Variants in KCNH8 observed in about 807,000 individuals in gnomAD.
KCNH8 encodes the protein voltage-gated delayed rectifier potassium channel KCNH8.
A neutral mutation model predicts 103.6 loss-of-function variants in KCNH8; 70 were observed. That is an observed-to-expected ratio of 0.68 (90% CI 0.56 to 0.82). The LOEUF is 0.82. Among genes scored for constraint, KCNH8 ranks in the 40% least tolerant of loss-of-function variants. The probability of loss-of-function intolerance (pLI) is 0.00; values close to 1 mark genes in which losing one functional copy is unlikely to be tolerated. For synonymous variants in KCNH8, 498 were observed against 489.4 expected, an observed-to-expected ratio of 1.02 and a Z score of -0.23; for missense variants, 1,217 against 1,329.9, an observed-to-expected ratio of 0.92 and a Z score of 1.32.
chr3:19,216,377 T>C (rs1051873387), intron 1 of KCNH8, among the ~76,000 whole-genome samples: 4 of 152,244 alleles, frequency 2.6e-5, no homozygotes, highest in Non-Finnish European at 5.9e-5. Context: ...CAGGTAACTT[T>C]GGACGAAATT....
chr3:19,152,770 T>C (rs972678942), intron 1 of KCNH8, among the ~76,000 whole-genome samples: 5 of 151,902 alleles, frequency 3.3e-5, no homozygotes, highest in Non-Finnish European at 7.4e-5. Context: ...ACCCCATTTC[T>C]ACTAAAAATA....
chr3:19,493,932 T>C (rs568072022), intron 11 of KCNH8, among the ~76,000 whole-genome samples: 2 of 152,298 alleles, frequency 1.3e-5, no homozygotes, highest in South Asian at 2.1e-4. Flanking sequence ...AGTTTTGGTA[T>C]GTAGATTATT....
chr3:19,390,395 T>G, intron 5 of KCNH8, 86 bp from the exon 6 acceptor site: 3 of 1,017,442 alleles, frequency 2.9e-6, no homozygotes, highest in East Asian at 2.5e-5. Flanking sequence ...CTCCCTTCCT[T>G]TCTTCTTTCT....
At chr3:19,277,565 A>G (rs992669518) in intron 2 of KCNH8, among the ~76,000 whole-genome samples, 1 of 152,118 alleles carries the variant, frequency 6.6e-6, no homozygotes, top group African/African-American at 2.4e-5. Flanking sequence ...ACAAAAAGGC[A>G]CAGGTGGTAA....
intron 3 of KCNH8, among the ~76,000 whole-genome samples, chr3:19,334,588 A>G (rs552282409): frequency 2.0e-5 from 3 of 152,120 alleles, no homozygotes; most frequent in African/African-American, 4.8e-5. Context: ...GAGCAAAACT[A>G]AAAGTCCAGT....
intron 1 of KCNH8, among the ~76,000 whole-genome samples, chr3:19,225,128 A>C (rs1350512283): frequency 6.6e-6 from 1 of 152,108 alleles, no homozygotes; most frequent in African/African-American, 2.4e-5. Flanking sequence ...TGAGGGATTT[A>C]GACTTTACTC....
chr3:19,399,677 A>G (rs1049761630), intron 7 of KCNH8, among the ~76,000 whole-genome samples: 5 of 151,950 alleles, frequency 3.3e-5, no homozygotes, highest in African/African-American at 1.2e-4. Flanking sequence ...AACTGCCAGC[A>G]TTATCACCAC....
chr3:19,354,340 A>G (rs1165384346), intron 5 of KCNH8, among the ~76,000 whole-genome samples: 1 of 152,194 alleles, frequency 6.6e-6, no homozygotes, highest in East Asian at 1.9e-4. Context: ...TATCCCCATC[A>G]AGCTACCAGT....
At position 19,533,995 on chromosome 3, in the gene KCNH8, C is replaced by T; in HGVS notation, c.3220C>T (p.Gln1074Ter). 6.2e-7 allele frequency: 1 copy of T among 1,614,130 alleles called. No individual in the cohort carries two copies. The highest frequency in any genetic ancestry group is 8.5e-7 in the Non-Finnish European group (1 of 1,180,014). Reference sequence around the variant, plus strand: ...GGAAAACTTACCAGGATCTTGGAACCAGGAAGGAATGGCATCAGCTTCTAC... The same window carrying T: ...GGAAAACTTACCAGGATCTTGGAACTAGGAAGGAATGGCATCAGCTTCTAC... The part of the protein sequence containing the change: ...SLENLPGSWN[Q>*]EGMASASTKP... The change falls in exon 16 of 16, where the codon CAG becomes TAG. Residue 1074 changes from glutamine to a stop codon, truncating the protein, a stop_gained. Transcript: ENST00000328405. LOFTEE classifies it high-confidence loss of function.
At chr3:19,264,770 G>T (rs937056005) in intron 2 of KCNH8, among the ~76,000 whole-genome samples, 13 of 152,224 alleles carry the variant, frequency 8.5e-5, no homozygotes, top group African/African-American at 3.1e-4. Flanking sequence ...CTCTTTGCCT[G>T]TGTTGTTGCT....
chr3:19,505,617 G>A (rs778576649), intron 11 of KCNH8, among the ~76,000 whole-genome samples: 1 of 151,974 alleles, frequency 6.6e-6, no homozygotes, highest in Non-Finnish European at 1.5e-5. Context: ...TTCAACCTTG[G>A]AAAATCTGAT....
chr3:19,206,191 T>TTATA (rs200576079), intron 1 of KCNH8, among the ~76,000 whole-genome samples: 13 of 141,468 alleles, frequency 9.2e-5, no homozygotes, highest in African/African-American at 3.5e-4. Flanking sequence ...TATATCACAG[T>TTATA]TATATATATA....
chr3:19,517,929 A>C (rs748132922), intron 14 of KCNH8, 69 bp from the exon 15 acceptor site: 4 of 1,240,962 alleles, frequency 3.2e-6, no homozygotes, highest in Non-Finnish European at 4.7e-6. Context: ...TTCATATTCT[A>C]ATTGCCTCGA....
intron 3 of KCNH8, among the ~76,000 whole-genome samples, chr3:19,285,194 G>A (rs900650511): frequency 4.0e-5 from 6 of 151,800 alleles, no homozygotes; most frequent in South Asian, 2.1e-4. Flanking sequence ...AAAATTTAAT[G>A]TAAGTTTAAA....
chr3:19,178,616 G>A (rs1262874859), intron 1 of KCNH8, among the ~76,000 whole-genome samples: 2 of 152,156 alleles, frequency 1.3e-5, no homozygotes, highest in East Asian at 3.8e-4. Context: ...TTTGAATTCT[G>A]AGTAGAATCT....
chr3:19,277,647 C>T (rs2064693535), intron 2 of KCNH8, among the ~76,000 whole-genome samples: 1 of 152,118 alleles, frequency 6.6e-6, no homozygotes, highest in African/African-American at 2.4e-5. Flanking sequence ...TATCCTGCAT[C>T]CTTGTTTCCC....
chr3:19,429,000 G>T (rs969140589), intron 7 of KCNH8, among the ~76,000 whole-genome samples: 3 of 151,928 alleles, frequency 2.0e-5, no homozygotes, highest in Non-Finnish European at 4.4e-5. Flanking sequence ...CAACGTCATT[G>T]CCCTGTGTTT....
At chr3:19,514,129 C>T (rs1274140984) in intron 13 of KCNH8, among the ~76,000 whole-genome samples, 3 of 151,922 alleles carry the variant, frequency 2.0e-5, no homozygotes, top group Non-Finnish European at 4.4e-5. Flanking sequence ...AAGTGAAACT[C>T]GAAGGGTAAA....
chr3:19,238,857 G>A (rs1458894765), intron 1 of KCNH8, among the ~76,000 whole-genome samples: 2 of 152,170 alleles, frequency 1.3e-5, no homozygotes, highest in Non-Finnish European at 2.9e-5. Flanking sequence ...AGCAGGAGAA[G>A]CGTATCTTAC....
Sources: allele counts gnomAD v4.1 joint callset (sites outside exome capture counted in the v4.1 genomes callset), GRCh38; gene constraint gnomAD v4.1.1; transcripts MANE v1.5; gene names NCBI Gene and HGNC (gene_info 2026-07-23, HGNC 2026-07-21).